The following TACR1 variants were observed in gnomAD, a reference collection of about 807,000 sequenced individuals.
TACR1 encodes the protein substance-P receptor.
Under a neutral mutation model 35.8 loss-of-function variants are expected in TACR1, and 25 were observed. The observed-to-expected ratio is 0.70, with a 90% CI of 0.51 to 0.98. TACR1 has a LOEUF of 0.98. Ranked by LOEUF, TACR1 falls within the 50% of genes least tolerant of loss-of-function variation. TACR1 has a pLI of 0.00. For missense variants in TACR1, 478 were observed against 522.9 expected (o/e 0.91, Z 0.84); for synonymous variants, 195 against 206.7 (o/e 0.94, Z 0.48).
intron 1 of TACR1, among the ~76,000 whole-genome samples, chr2:75,190,818 A>G (rs1233181883): frequency 6.6e-6 from 1 of 152,182 alleles, no homozygotes; most frequent in African/African-American, 2.4e-5. Context: ...TCTACTGCCA[A>G]AGGCTAGGAG....
intron 1 of TACR1, among the ~76,000 whole-genome samples, chr2:75,161,877 A>T (rs563776930): frequency 6.6e-6 from 1 of 152,230 alleles, no homozygotes; most frequent in Admixed American, 6.5e-5. Context: ...GCTTATGGAT[A>T]TTGAGCTATA....
At chr2:75,086,290 T>C (rs1473133205) in intron 2 of TACR1, among the ~76,000 whole-genome samples, 1 of 152,242 alleles carries the variant, frequency 6.6e-6, no homozygotes, top group Non-Finnish European at 1.5e-5. Flanking sequence ...AATCTCTTGT[T>C]TTATCTAAAA....
intron 2 of TACR1, among the ~76,000 whole-genome samples, chr2:75,076,099 T>C (rs1341209513): frequency 1.3e-5 from 2 of 152,248 alleles, no homozygotes; most frequent in Admixed American, 1.3e-4. Context: ...TCTTATTTTC[T>C]ACTGGACTTT....
chr2:75,177,048 G>C (rs746372348), intron 1 of TACR1, among the ~76,000 whole-genome samples: 2 of 152,006 alleles, frequency 1.3e-5, no homozygotes, highest in Non-Finnish European at 2.9e-5. Context: ...AGTCACCTCA[G>C]ATGGTGGCTG....
intron 1 of TACR1, among the ~76,000 whole-genome samples, chr2:75,156,744 G>A (rs1674869152): frequency 6.6e-6 from 1 of 152,122 alleles, no homozygotes; most frequent in Non-Finnish European, 1.5e-5. Context: ...CCCAGTTTGT[G>A]GTAATTTGTT....
At chr2:75,174,294 G>C (rs1173078643) in intron 1 of TACR1, among the ~76,000 whole-genome samples, 1 of 152,146 alleles carries the variant, frequency 6.6e-6, no homozygotes, top group Non-Finnish European at 1.5e-5. Flanking sequence ...TTACCTGCAG[G>C]GGTTACGTTC....
At chr2:75,081,686 G>A (rs1231464726) in intron 2 of TACR1, among the ~76,000 whole-genome samples, 2 of 152,250 alleles carry the variant, frequency 1.3e-5, no homozygotes, top group East Asian at 1.9e-4. Context: ...ATAATTCCAA[G>A]GAGTCCAGGG....
intron 2 of TACR1, among the ~76,000 whole-genome samples, chr2:75,112,523 T>G (rs11691582): frequency 6.6e-6 from 1 of 152,148 alleles, no homozygotes; most frequent in Non-Finnish European, 1.5e-5. Flanking sequence ...TTCTCAAATA[T>G]TTTCTTATGC....
At chr2:75,074,801 C>T (rs1369024345) in intron 2 of TACR1, among the ~76,000 whole-genome samples, 2 of 152,026 alleles carry the variant, frequency 1.3e-5, no homozygotes, top group African/African-American at 2.4e-5. Flanking sequence ...AGGCTCTGTG[C>T]ATGGAATAAA....
chr2:75,056,361 A>G (rs1330482779), intron 2 of TACR1, among the ~76,000 whole-genome samples: 1 of 152,158 alleles, frequency 6.6e-6, no homozygotes, highest in Non-Finnish European at 1.5e-5. Context: ...GGGCTCTTAC[A>G]GGGTAGGACA....
intron 1 of TACR1, among the ~76,000 whole-genome samples, chr2:75,181,902 A>G (rs1389896256): frequency 1.3e-5 from 2 of 152,208 alleles, no homozygotes. Flanking sequence ...CTAAGACTAT[A>G]TTTGGTTACA....
intron 2 of TACR1, among the ~76,000 whole-genome samples, chr2:75,111,194 A>G (rs539347673): frequency 6.6e-6 from 1 of 152,088 alleles, no homozygotes; most frequent in Admixed American, 6.5e-5. Flanking sequence ...ATCTATAACT[A>G]TATCTGTATG....
chr2:75,168,040 G>C (rs577279256), intron 1 of TACR1, among the ~76,000 whole-genome samples: 2 of 152,104 alleles, frequency 1.3e-5, no homozygotes, highest in Non-Finnish European at 2.9e-5. Flanking sequence ...CATGTCAAGA[G>C]TTTTGGTATT....
At chr2:75,101,039 G>A (rs1673525202) in intron 2 of TACR1, among the ~76,000 whole-genome samples, 1 of 151,244 alleles carries the variant, frequency 6.6e-6, no homozygotes, top group East Asian at 1.9e-4. Context: ...TGTGGTTGCT[G>A]TATTAAAAAA....
rs1271858307 is a variant in TACR1 at position 75,154,408 on chromosome 2, A to ACGCGCGCG, written c.390-33641_390-33640insCGCGCGCG. 10 of 98,680 alleles carry ACGCGCGCG rather than the reference A, an allele frequency of 1.0e-4. No individual in the cohort carries two copies. The South Asian group carries it at 3.3e-3, about 32-fold the overall frequency. 6.1% of individuals were successfully genotyped at this position (98,680 alleles called of 1,614,324 possible). On this transcript the variant is annotated intron_variant, in intron 1 of 4. Coordinates refer to ENST00000305249, the MANE Select transcript of TACR1 (RefSeq NM_001058.4). ...GGGAGATAATCAGCCAAGAGCGCGC[A>ACGCGCGCG]CGCACACACACACACACACACACAC... is the stretch of plus-strand genomic sequence containing the variant.
At chr2:75,172,001 G>C (rs1477374506) in intron 1 of TACR1, among the ~76,000 whole-genome samples, 4 of 152,144 alleles carry the variant, frequency 2.6e-5, no homozygotes, top group Non-Finnish European at 4.4e-5. Context: ...ATGTGAGAGG[G>C]ACCATGGGTG....
chr2:75,090,098 C>G (rs1673279682), intron 2 of TACR1, among the ~76,000 whole-genome samples: 1 of 152,188 alleles, frequency 6.6e-6, no homozygotes, highest in South Asian at 2.1e-4. Context: ...GCTCAAAGGT[C>G]ACTTCTCAAT....
At chr2:75,166,933 T>C (rs1412984072) in intron 1 of TACR1, among the ~76,000 whole-genome samples, 2 of 152,216 alleles carry the variant, frequency 1.3e-5, no homozygotes, top group Non-Finnish European at 2.9e-5. Flanking sequence ...GCTTTTTGCT[T>C]ATGGTAGTTC....
At chr2:75,198,473 A>G (rs1027854654) in intron 1 of TACR1, 73 bp downstream of exon 1, 3 of 1,550,498 alleles carry the variant, frequency 1.9e-6, no homozygotes, top group East Asian at 4.5e-5. Context: ...TACCCCACCC[A>G]GTTCCAAACC....
Sources: gnomAD v4.1 joint callset for allele counts (sites outside exome capture counted in the v4.1 genomes callset) on GRCh38, gnomAD v4.1.1 for gene constraint, MANE v1.5 for transcripts, NCBI Gene and HGNC (gene_info 2026-07-23, HGNC 2026-07-21) for gene names.